The following SRBD1 variants were observed in gnomAD, a reference collection of about 807,000 sequenced individuals.
The protein encoded by SRBD1 is S1 RNA binding domain 1.
Under a neutral mutation model 115.3 loss-of-function variants are expected in SRBD1, and 88 were observed. The ratio of observed to expected loss-of-function variants is 0.76; its 90% CI spans 0.64 to 0.91. The LOEUF is 0.91. SRBD1 is among the 40% of genes least tolerant of loss of function. The pLI, the probability that SRBD1 is intolerant of heterozygous loss-of-function variation, is 0.00. For missense variants in SRBD1, 1,385 were observed against 1,177.4 expected (o/e 1.18, Z -2.58); for synonymous variants, 509 against 407.7 (o/e 1.25, Z -2.99).
rs1313694367 is a variant in SRBD1 at position 45,551,280 on chromosome 2, G to T, written c.1520C>A (p.Ala507Asp). 6.3e-7 allele frequency: 1 copy of T among 1,588,530 alleles called. No homozygotes were observed. The highest frequency in any genetic ancestry group is 8.5e-7 in the Non-Finnish European group (1 of 1,174,410). Residue 507 changes from alanine (A) to aspartate (D), a missense_variant and splice_region_variant, in exon 12 of 21, where the codon GCC becomes GAC. Ala to Asp is a moderately radical substitution (Grantham distance 126). Coordinates refer to ENST00000263736, the MANE Select transcript of SRBD1 (RefSeq NM_018079.5). Reference sequence around the variant, plus strand: ...CTTCTCTGCATCTGATGTTAGTTTGGCTCTTTAGAAATAGAAGAAAAGAAA... The same window carrying T: ...CTTCTCTGCATCTGATGTTAGTTTGTCTCTTTAGAAATAGAAGAAAAGAAA... ...IYPLLCREFR[A>D]KLTSDAEKES...
intron 14 of SRBD1, among the ~76,000 whole-genome samples, chr2:45,514,918 C>A (rs1285627555): frequency 6.6e-6 from 1 of 152,190 alleles, no homozygotes; most frequent in African/African-American, 2.4e-5. Context: ...CTATCTTAGA[C>A]TATGAACAGC....
intron 10 of SRBD1, among the ~76,000 whole-genome samples, chr2:45,556,735 T>C (rs1672490477): frequency 6.6e-6 from 1 of 152,176 alleles, no homozygotes; most frequent in South Asian, 2.1e-4. Flanking sequence ...AGTGCTGGGA[T>C]TATAGGCGTG....
intron 16 of SRBD1, among the ~76,000 whole-genome samples, chr2:45,475,197 G>A (rs1332788571): frequency 6.6e-6 from 1 of 152,136 alleles, no homozygotes; most frequent in Non-Finnish European, 1.5e-5. Flanking sequence ...CTTGGAGCAA[G>A]TTCTTCATAA....
chr2:45,414,508 TAC>T (rs1245725368), intron 18 of SRBD1, among the ~76,000 whole-genome samples: 2 of 150,944 alleles, frequency 1.3e-5, no homozygotes, highest in African/African-American at 4.9e-5. Context: ...AGTGTGTGTG[TAC>T]ACACATAGTG....
In SRBD1 at chr2:45,577,146, T is replaced by C. The variant is rs1179750617; in HGVS notation, c.1073-2423A>G. ...CCTTGAGCTACTTCTAGAGCAGTGG[T>C]TCTCAATGGGAGATAGAAATTATCA... On this transcript the variant is annotated intron_variant, in intron 7 of 20. Transcript: ENST00000263736. Among the ~76,000 whole-genome samples the C allele has an allele frequency of 3.3e-5, 5 of 152,232 alleles. No homozygotes were observed. In the South Asian group the frequency reaches 8.3e-4, roughly 25 times the overall value.
intron 16 of SRBD1, among the ~76,000 whole-genome samples, chr2:45,472,546 T>C (rs1669680195): frequency 6.6e-6 from 1 of 152,216 alleles, no homozygotes; most frequent in South Asian, 2.1e-4. Flanking sequence ...TGCAAAGGCA[T>C]GATCATTGCT....
At chr2:45,556,466 T>TTC (rs1464512015) in intron 10 of SRBD1, among the ~76,000 whole-genome samples, 1 of 136,284 alleles carries the variant, frequency 7.3e-6, no homozygotes. Context: ...TTTTTTTTTT[T>TTC]TTTTTTTTTG....
At position 45,539,450 on chromosome 2, in the gene SRBD1, T is replaced by C. The variant is rs548204246; in HGVS notation, c.1874+7282A>G. Among the ~76,000 whole-genome samples the C allele has an allele frequency of 2.6e-5, 4 of 152,234 alleles. No homozygotes were observed. In the South Asian group the frequency reaches 8.3e-4, roughly 32 times the overall value. ...CCACCTACTCTCACATATGTAAAGC[T>C]AGGACTCCAGAGTTAGGTTAAACCC... On this transcript the variant is annotated intron_variant, in intron 14 of 20. Coordinates refer to ENST00000263736, the MANE Select transcript of SRBD1 (RefSeq NM_018079.5).
chr2:45,548,371 A>T (rs1672186300), intron 12 of SRBD1, among the ~76,000 whole-genome samples: 1 of 151,994 alleles, frequency 6.6e-6, no homozygotes, highest in African/African-American at 2.4e-5. Flanking sequence ...CAAATACAGG[A>T]ATTATATTAG....
Position 45,573,297 on chromosome 2 carries a change from T to C in SRBD1, c.1215A>G (p.Val405=), listed in dbSNP as rs1158546156. Residue 405 remains valine (V), a synonymous_variant, in exon 9 of 21, where the codon GTA becomes GTG. Coordinates refer to ENST00000263736, the MANE Select transcript of SRBD1 (RefSeq NM_018079.5). ...CTTTCTCATTTACCTTTTTTGAGGATACTTTTGCCAGAGATGACTGGATAC... is the reference window on the plus strand; with the variant it reads ...CTTTCTCATTTACCTTTTTTGAGGACACTTTTGCCAGAGATGACTGGATAC... ...HVCIQSSLAK[V]SSKKVNEKDV... 1 of 1,612,326 alleles carries C rather than the reference T, an allele frequency of 6.2e-7. No individual in the cohort carries two copies. Among genetic ancestry groups the C allele is most frequent in the Non-Finnish European group, 8.5e-7 (1 of 1,179,382 alleles).
rs150753231 is a variant in SRBD1 at position 45,562,716 on chromosome 2, G to T, written c.1346C>A (p.Thr449Lys). Residue 449 changes from threonine (T) to lysine (K), a missense_variant, in exon 10 of 21, where the codon ACG (threonine) becomes AAG (lysine). By Grantham distance (78) the Thr-to-Lys change is moderately conservative (BLOSUM62 -1). Transcript: ENST00000263736. The part of the protein sequence containing the change: ...INRGENLKVL[T>K]VKVNISDGVK... ...TCCATCAGAAATATTGACCTTAACC[G>T]TCAGTACCTTCAAATTTTCTCCACG... is the stretch of plus-strand genomic sequence containing the variant. 8.1e-6 allele frequency: 13 copies of T among 1,611,866 alleles called. No individual in the cohort carries two copies. The highest frequency in any genetic ancestry group is 6.7e-5 in the African/African-American group (5 of 74,776).
At chr2:45,554,543 T>C (rs1197686078) in intron 10 of SRBD1, among the ~76,000 whole-genome samples, 1 of 152,202 alleles carries the variant, frequency 6.6e-6, no homozygotes, top group Non-Finnish European at 1.5e-5. Context: ...CACAATGCTC[T>C]ACCAGGCAAC....
chr2:45,473,294 A>T (rs1234584159), intron 16 of SRBD1, among the ~76,000 whole-genome samples: 1 of 152,114 alleles, frequency 6.6e-6, no homozygotes, highest in Non-Finnish European at 1.5e-5. Flanking sequence ...AAGAATCTTA[A>T]TACTTTTTAT....
intron 19 of SRBD1, among the ~76,000 whole-genome samples, chr2:45,406,782 G>C (rs984770824): frequency 6.6e-6 from 1 of 152,054 alleles, no homozygotes; most frequent in African/African-American, 2.4e-5. Context: ...TCATTTATTG[G>C]ACAGGGTAAT....
intron 16 of SRBD1, among the ~76,000 whole-genome samples, chr2:45,458,586 G>C (rs1180905411): frequency 6.6e-6 from 1 of 152,100 alleles, no homozygotes; most frequent in Non-Finnish European, 1.5e-5. Context: ...AAAAGACAAA[G>C]ACAGAAACAA....
rs572406983 is a variant in SRBD1, at chr2:45,430,312, C to T, written c.2050-10418G>A. 8.5e-5 allele frequency among the ~76,000 whole-genome samples: 13 copies of T among 152,168 alleles called. No individual in the cohort carries two copies. The South Asian group carries it at 2.7e-3, about 32-fold the overall frequency. ...AAACTACTTTAAATTTCATATGGAA[C>T]CAAAAAAGAGCCCATATGGCCAAAA... On this transcript the variant is annotated intron_variant, in intron 16 of 20. Coordinates refer to ENST00000263736, the MANE Select transcript of SRBD1 (RefSeq NM_018079.5).
intron 5 of SRBD1, 81 bp downstream of exon 5, chr2:45,585,527 A>G (rs34838023): frequency 0.13 from 189,908 of 1,432,746 alleles, 13,766 homozygotes; most frequent in East Asian, 0.26. Context: ...AAATTGTCAA[A>G]TATACCGTCA....
At chr2:45,445,158 T>C (rs3770256) in intron 16 of SRBD1, among the ~76,000 whole-genome samples, 1 of 152,076 alleles carries the variant, frequency 6.6e-6, no homozygotes, top group Admixed American at 6.5e-5. Context: ...AAAACACTTG[T>C]TGGAATAAAC....
At chr2:45,478,184 G>T (rs771978887) in intron 15 of SRBD1, among the ~76,000 whole-genome samples, 1 of 151,968 alleles carries the variant, frequency 6.6e-6, no homozygotes, top group Non-Finnish European at 1.5e-5. Flanking sequence ...TCTCATACAG[G>T]TTAGATGAAA....
Sources: gnomAD v4.1 joint callset for allele counts (sites outside exome capture counted in the v4.1 genomes callset) on GRCh38, gnomAD v4.1.1 for gene constraint, MANE v1.5 for transcripts, NCBI Gene and HGNC (gene_info 2026-07-23, HGNC 2026-07-21) for gene names.